RBFOX1: variants seen among roughly 807,000 people sequenced by gnomAD.
The protein encoded by RBFOX1 is RNA binding fox-1 homolog 1.
A neutral mutation model predicts 57.7 loss-of-function variants in RBFOX1; 8 were observed. That is an observed-to-expected ratio of 0.14 (90% CI 0.08 to 0.25). The LOEUF (loss-of-function observed/expected upper bound fraction) is 0.25. Among genes scored for constraint, RBFOX1 ranks in the 10% least tolerant of loss-of-function variants. The pLI, the probability that RBFOX1 is intolerant of heterozygous loss-of-function variation, is 1.00. For missense variants in RBFOX1, 611 were observed against 548.5 expected, an observed-to-expected ratio of 1.11 and a Z score of -1.14; for synonymous variants, 326 against 222.4, an observed-to-expected ratio of 1.47 and a Z score of -4.15.
chr16:6,721,558 G>A (rs1285117448), intron 3 of RBFOX1, among the ~76,000 whole-genome samples: 1 of 152,144 alleles, frequency 6.6e-6, no homozygotes, highest in East Asian at 1.9e-4. Context: ...TTGTAAGATG[G>A]AAGCTTTATG....
At chr16:6,330,623 G>A (rs961712169) in intron 2 of RBFOX1, among the ~76,000 whole-genome samples, 1 of 152,226 alleles carries the variant, frequency 6.6e-6, no homozygotes, top group East Asian at 1.9e-4. Context: ...TGCTAGGCAT[G>A]TGCTAGCCGC....
intron 3 of RBFOX1, among the ~76,000 whole-genome samples, chr16:6,920,744 G>A (rs2074280084): frequency 6.6e-6 from 1 of 152,144 alleles, no homozygotes; most frequent in African/African-American, 2.4e-5. Flanking sequence ...TACTTCATCT[G>A]CAGTGGGCTT....
intron 2 of RBFOX1, among the ~76,000 whole-genome samples, chr16:6,561,630 C>G (rs987855886): frequency 6.6e-6 from 1 of 152,218 alleles, no homozygotes. Flanking sequence ...GTTGCAGAAT[C>G]TGTTCCTGCT....
chr16:5,386,566 C>G (rs1428525070), intron 1 of RBFOX1, among the ~76,000 whole-genome samples: 1 of 152,176 alleles, frequency 6.6e-6, no homozygotes, highest in Non-Finnish European at 1.5e-5. Flanking sequence ...CTGGCCATCT[C>G]ACTGCAGCCC....
intron 3 of RBFOX1, among the ~76,000 whole-genome samples, chr16:5,730,171 A>G (rs1479154009): frequency 6.6e-6 from 1 of 152,222 alleles, no homozygotes; most frequent in Admixed American, 6.5e-5. Flanking sequence ...TATAATGTTC[A>G]TTGAATTAGC....
intron 3 of RBFOX1, among the ~76,000 whole-genome samples, chr16:5,624,814 C>A (rs925912293): frequency 2.0e-5 from 3 of 152,228 alleles, no homozygotes; most frequent in African/African-American, 7.2e-5. Context: ...CATCACAGAG[C>A]TCTTATGGCA....
intron 2 of RBFOX1, among the ~76,000 whole-genome samples, chr16:6,344,954 C>T (rs372783026): frequency 5.9e-5 from 9 of 152,142 alleles, no homozygotes; most frequent in African/African-American, 1.4e-4. Context: ...TGTGAGCCAC[C>T]GAGCCCGGCC....
chr16:6,160,628 T>G (rs1400899868), intron 1 of RBFOX1, among the ~76,000 whole-genome samples: 3 of 152,200 alleles, frequency 2.0e-5, no homozygotes, highest in Admixed American at 1.3e-4. Context: ...CTGTTCCCAG[T>G]GGCTTTATCA....
chr16:6,381,041 A>G (rs1162555017), intron 2 of RBFOX1, among the ~76,000 whole-genome samples: 1 of 152,180 alleles, frequency 6.6e-6, no homozygotes, highest in African/African-American at 2.4e-5. Flanking sequence ...TTTAGGGGGC[A>G]GGTCAGAGAG....
At chr16:6,961,614 T>C (rs902201667) in intron 3 of RBFOX1, among the ~76,000 whole-genome samples, 3 of 152,092 alleles carry the variant, frequency 2.0e-5, no homozygotes, top group African/African-American at 2.4e-5. Flanking sequence ...TTGGCTACTA[T>C]TATGGTTATT....
intron 4 of RBFOX1, among the ~76,000 whole-genome samples, chr16:7,337,175 G>C (rs1376805922): frequency 6.6e-6 from 1 of 152,134 alleles, no homozygotes; most frequent in East Asian, 1.9e-4. Flanking sequence ...CAAAGAATGC[G>C]AGTGGTATAG....
chr16:7,456,551 G>C (rs1295035023), intron 4 of RBFOX1, among the ~76,000 whole-genome samples: 4 of 152,206 alleles, frequency 2.6e-5, no homozygotes, highest in Admixed American at 6.5e-5. Context: ...CAAAATCTTC[G>C]TGTAATTTGG....
chr16:7,469,432 G>A (rs1044591090), intron 4 of RBFOX1, among the ~76,000 whole-genome samples: 2 of 152,108 alleles, frequency 1.3e-5, no homozygotes, highest in African/African-American at 4.8e-5. Flanking sequence ...CTTTGCCTAT[G>A]AGGTTTTGTC....
intron 3 of RBFOX1, among the ~76,000 whole-genome samples, chr16:7,032,723 A>G (rs2043135657): frequency 6.6e-6 from 1 of 152,076 alleles, no homozygotes; most frequent in South Asian, 2.1e-4. Context: ...TTATCCTCGA[A>G]TTTCACTTGT....
intron 4 of RBFOX1, among the ~76,000 whole-genome samples, chr16:7,070,591 C>T (rs1159690322): frequency 1.3e-5 from 2 of 152,160 alleles, no homozygotes; most frequent in East Asian, 1.9e-4. Flanking sequence ...GCTGAGTTTA[C>T]GTTTAAGTGG....
At chr16:6,580,527 A>G (rs960849424) in intron 2 of RBFOX1, among the ~76,000 whole-genome samples, 4 of 152,200 alleles carry the variant, frequency 2.6e-5, no homozygotes, top group African/African-American at 9.6e-5. Context: ...CTCTTCATAA[A>G]CATACAAATA....
intron 4 of RBFOX1, among the ~76,000 whole-genome samples, chr16:7,113,012 G>A (rs8059995): frequency 0.015 from 2,284 of 152,270 alleles, 55 homozygotes; most frequent in African/African-American, 0.053. Context: ...ATTCAGGGGT[G>A]AGTCAGACCC....
intron 3 of RBFOX1, among the ~76,000 whole-genome samples, chr16:6,920,307 G>A (rs756045409): frequency 1.3e-5 from 2 of 152,092 alleles, no homozygotes; most frequent in Non-Finnish European, 2.9e-5. Context: ...GGGATTGCTG[G>A]ATCAAACGGT....
At chr16:5,374,362 C>T (rs2151378473) in intron 1 of RBFOX1, among the ~76,000 whole-genome samples, 1 of 152,260 alleles carries the variant, frequency 6.6e-6, no homozygotes, top group East Asian at 1.9e-4. Flanking sequence ...CTGAGGAGAT[C>T]AGGGAAGGCT....
Sources: gnomAD v4.1 joint callset for allele counts (sites outside exome capture counted in the v4.1 genomes callset) on GRCh38, gnomAD v4.1.1 for gene constraint, MANE v1.5 for transcripts, NCBI Gene and HGNC (gene_info 2026-07-23, HGNC 2026-07-21) for gene names.